Variants in HIPK2 observed in about 807,000 individuals in gnomAD.
The protein encoded by HIPK2 is homeodomain interacting protein kinase 2, also known as homeodomain-interacting protein kinase 2.
Under a neutral mutation model 113.7 loss-of-function variants are expected in HIPK2, and 27 were observed. The ratio of observed to expected loss-of-function variants is 0.24; its 90% CI spans 0.17 to 0.33. HIPK2 has a LOEUF of 0.33. Among genes scored for constraint, HIPK2 ranks in the 10% least tolerant of loss-of-function variants. The pLI, the probability that HIPK2 is intolerant of heterozygous loss-of-function variation, is 1.00. For missense variants in HIPK2, 1,257 were observed against 1,588.0 expected, an observed-to-expected ratio of 0.79 and a Z score of 3.54; for synonymous variants, 631 against 642.2, an observed-to-expected ratio of 0.98 and a Z score of 0.26.
Position 139,570,926 on chromosome 7 carries a change from G to A in HIPK2, c.*2001C>T, listed in dbSNP as rs992970906. ...TCAGAGTTATTTACTATGAAGAGAGGGAACTCCCCACTTCTCCACACCTCC... is the reference window on the plus strand; with the variant it reads ...TCAGAGTTATTTACTATGAAGAGAGAGAACTCCCCACTTCTCCACACCTCC... On this transcript the variant is annotated 3_prime_UTR_variant, in exon 15 of 15. Coordinates refer to ENST00000406875, the MANE Select transcript of HIPK2 (RefSeq NM_022740.5). The A allele has an allele frequency of 6.6e-6, 1 of 152,112 alleles. No homozygotes were observed. The highest frequency in any genetic ancestry group is 6.5e-5 in the Admixed American group (1 of 15,268). 9.4% of individuals were successfully genotyped at this position (152,112 alleles called of 1,614,324 possible). A position where few individuals can be genotyped will look rare whatever the true frequency, so the allele number is the denominator to read the frequency against.
At chr7:139,726,530 T>A (rs1569481630) in intron 1 of HIPK2, among the ~76,000 whole-genome samples, 1 of 152,226 alleles carries the variant, frequency 6.6e-6, no homozygotes, top group Non-Finnish European at 1.5e-5. Context: ...TGTTGAATTA[T>A]GAGCACTAAC....
In HIPK2 at chr7:139,630,306, C is replaced by A. The variant is rs372533160; in HGVS notation, c.1347+859G>T. On this transcript the variant is annotated intron_variant, in intron 4 of 14. Coordinates refer to ENST00000406875, the MANE Select transcript of HIPK2 (RefSeq NM_022740.5). This position sits in a 1 kb window ranked among gnomAD's most constrained non-coding sequence, Gnocchi z 4.0. ...GCCTTAGGATATTCCCATGGGCTCA[C>A]CAGGCAGCCTCCTTTGCCTGGAACC... 1.2e-4 allele frequency among the ~76,000 whole-genome samples: 19 copies of A among 152,238 alleles called. No homozygotes were observed. The East Asian group carries it at 1.7e-3, about 14-fold the overall frequency.
intron 2 of HIPK2, among the ~76,000 whole-genome samples, chr7:139,712,343 C>T (rs1795097267): frequency 1.3e-5 from 2 of 152,222 alleles, no homozygotes; most frequent in African/African-American, 4.8e-5. Flanking sequence ...ATCCTTGTCT[C>T]ACACCGTTTC....
intron 2 of HIPK2, among the ~76,000 whole-genome samples, chr7:139,711,120 C>A (rs1263341872): frequency 2.6e-5 from 4 of 151,906 alleles, no homozygotes; most frequent in Non-Finnish European, 4.4e-5. Context: ...AGTCTTTGCA[C>A]CCCAAAGAAT....
chr7:139,681,927 C>G (rs1802715172), intron 2 of HIPK2, among the ~76,000 whole-genome samples: 1 of 152,190 alleles, frequency 6.6e-6, no homozygotes, highest in Admixed American at 6.5e-5. Context: ...GCTCAAACCA[C>G]CATGGCCTGG....
Position 139,563,043 on chromosome 7 carries a change from G to A in HIPK2, c.*9884C>T, listed in dbSNP as rs1433396299. On this transcript the variant is annotated 3_prime_UTR_variant, in exon 15 of 15. Transcript: ENST00000406875. ...AAAGTCCATGGAAGAAGCTTGAAGT[G>A]AGCAGGAACACAAAAGGGAGGAGAG... The A allele has an allele frequency of 2.0e-5, 3 of 151,458 alleles. No homozygotes were observed. The allele number at this position is 151,458 out of a possible 1,614,324, so 9.4% of individuals were successfully genotyped here.
At chr7:139,696,614 G>A (rs1269524243) in intron 2 of HIPK2, among the ~76,000 whole-genome samples, 1 of 151,230 alleles carries the variant, frequency 6.6e-6, no homozygotes, top group Non-Finnish European at 1.5e-5. Context: ...GAAAAATGCA[G>A]TCTTTTCTGA....
At chr7:139,747,803 G>A (rs1796213870) in intron 1 of HIPK2, among the ~76,000 whole-genome samples, 1 of 152,154 alleles carries the variant, frequency 6.6e-6, no homozygotes, top group Non-Finnish European at 1.5e-5. Flanking sequence ...GAGCCATACT[G>A]ACCAACACAT....
chr7:139,620,778 G>A (rs11980408), intron 6 of HIPK2, among the ~76,000 whole-genome samples: 8,445 of 152,218 alleles, frequency 0.055, 749 homozygotes, highest in African/African-American at 0.19. Flanking sequence ...ATTTTCTCCA[G>A]TGCCCTACTA....
At chr7:139,760,197 T>G (rs1235830136) in intron 1 of HIPK2, among the ~76,000 whole-genome samples, 3 of 152,022 alleles carry the variant, frequency 2.0e-5, no homozygotes, top group Admixed American at 2.0e-4. Context: ...GTAGAGACGG[T>G]GTTTCACCAT....
chr7:139,723,164 A>C (rs376288539), intron 1 of HIPK2, among the ~76,000 whole-genome samples: 4 of 151,002 alleles, frequency 2.6e-5, no homozygotes, highest in East Asian at 1.9e-4. Flanking sequence ...TGAAGTCTTA[A>C]CTCACACAGT....
At chr7:139,616,413 T>G (rs1800044922) in intron 7 of HIPK2, among the ~76,000 whole-genome samples, 1 of 152,236 alleles carries the variant, frequency 6.6e-6, no homozygotes, top group Non-Finnish European at 1.5e-5. Context: ...GCGCCTGGTC[T>G]AGTGCCCTGT....
Position 139,716,155 on chromosome 7 carries a change from T to G in HIPK2, c.880A>C (p.Ser294Arg). Residue 294 changes from serine (S) to arginine (R), a missense_variant, in exon 2 of 15, where the codon AGC becomes CGC. This residue lies in a region of HIPK2 where 24 missense variants were observed against 18.1 expected (regional missense o/e 1.33). Coordinates refer to ENST00000406875, the MANE Select transcript of HIPK2 (RefSeq NM_022740.5). This position sits in a 1 kb window ranked among gnomAD's most constrained non-coding sequence, Gnocchi z 9.3. ...LYDFLKQNKF[S>R]PLPLKYIRPV... ...CGAATGTATTTGAGGGGCAAGGGGC[T>G]AAACTTGTTTTGCTTCAGAAAGTCA... 6.2e-7 allele frequency: 1 copy of G among 1,614,062 alleles called. No individual in the cohort carries two copies. Among genetic ancestry groups the G allele is most frequent in the South Asian group, 1.1e-5 (1 of 91,090 alleles).
At chr7:139,657,004 G>A (rs1338309631) in intron 2 of HIPK2, among the ~76,000 whole-genome samples, 10 of 152,046 alleles carry the variant, frequency 6.6e-5, no homozygotes, top group Non-Finnish European at 1.5e-4. Context: ...TCGAGTAGCT[G>A]GGGTTACAGG....
At chr7:139,687,762 G>A (rs1407399599) in intron 2 of HIPK2, among the ~76,000 whole-genome samples, 1 of 152,182 alleles carries the variant, frequency 6.6e-6, no homozygotes, top group Non-Finnish European at 1.5e-5. Flanking sequence ...ACAGGGCAGA[G>A]GAACCAGCTC....
chr7:139,736,682 C>T (rs577278625), intron 1 of HIPK2, among the ~76,000 whole-genome samples: 12 of 152,320 alleles, frequency 7.9e-5, no homozygotes, highest in Admixed American at 3.9e-4. Context: ...TTAATGCCTA[C>T]GCTGGAGCTA....
intron 2 of HIPK2, among the ~76,000 whole-genome samples, chr7:139,660,486 T>C (rs1232780311): frequency 2.0e-5 from 3 of 152,358 alleles, no homozygotes; most frequent in Middle Eastern, 3.4e-3. Flanking sequence ...ATAAAGTCAT[T>C]GTTTGCTCTC....
Position 139,573,001 on chromosome 7 carries a change from C to T in HIPK2, c.3523G>A (p.Ala1175Thr). The T allele has an allele frequency of 7.1e-6, 11 of 1,556,702 alleles. No homozygotes were observed. Among genetic ancestry groups the T allele is most frequent in the African/African-American group, 1.4e-5 (1 of 71,898 alleles). The change falls in exon 15 of 15, where the codon GCC becomes ACC. Residue 1175 changes from alanine to threonine, a missense_variant. By Grantham distance (58) the Ala-to-Thr change is moderately conservative (BLOSUM62 0). Coordinates refer to ENST00000406875, the MANE Select transcript of HIPK2 (RefSeq NM_022740.5). ...AQFAHQTYIS[A>T]SPASTVYTGY... The stretch of plus-strand genomic sequence containing the variant: ...GTGTAGACGGTGGAGGCTGGCGAGG[C>T]GCTGATGTAGGTCTGGTGGGCAAAT...
chr7:139,631,861 G>A lies in HIPK2; in HGVS notation c.1104-136C>T. 2.7e-6 allele frequency: 3 copies of A among 1,093,300 alleles called. No individual in the cohort carries two copies. Among genetic ancestry groups the A allele is most frequent in the East Asian group, 5.3e-5 (2 of 37,984 alleles). 67.7% of individuals were successfully genotyped at this position (1,093,300 alleles called of 1,614,324 possible). A position where few individuals can be genotyped will look rare whatever the true frequency, so the allele number is the denominator to read the frequency against. ...AGGGCCTGTGGCTCTCAGGAGAGGC[G>A]CTGTGCTACAACAATCCTTCCATTC... On this transcript the variant is annotated intron_variant, in intron 2 of 14. Transcript: ENST00000406875. The surrounding 1 kb of genome is among the most constrained non-coding windows in gnomAD (Gnocchi z 4.9).
Sources: gnomAD v4.1 joint callset for allele counts (sites outside exome capture counted in the v4.1 genomes callset) on GRCh38, gnomAD v4.1.1 for gene constraint, gnomAD v4.1.1 regional missense constraint, Gnocchi (gnomAD v3.1) non-coding constraint, MANE v1.5 for transcripts, NCBI Gene and HGNC (gene_info 2026-07-23, HGNC 2026-07-21) for gene names.